DLC1: variants seen among roughly 807,000 people sequenced by gnomAD.
The protein encoded by DLC1 is DLC1 Rho GTPase activating protein, also known as rho GTPase-activating protein 7.
DLC1 carries 54 observed loss-of-function variants against 140.3 expected under a neutral mutation model. The ratio of observed to expected loss-of-function variants is 0.38; its 90% CI spans 0.31 to 0.48. DLC1 has a LOEUF of 0.48. DLC1 is among the 20% of genes least tolerant of loss of function. The pLI, the probability that DLC1 is intolerant of heterozygous loss-of-function variation, is 0.96. For synonymous variants in DLC1, 986 were observed against 728.1 expected, an observed-to-expected ratio of 1.35 and a Z score of -5.70; for missense variants, 2,536 against 1,907.0, an observed-to-expected ratio of 1.33 and a Z score of -6.14.
Position 13,587,544 on chromosome 8 carries a change from T to TACAC in DLC1, c.-126+16989_-126+16992dup, listed in dbSNP as rs377724474. Among the ~76,000 whole-genome samples the TACAC allele has an allele frequency of 3.7e-3, 532 of 142,204 alleles. 3 individuals are homozygous for TACAC. The highest frequency in any genetic ancestry group is 8.5e-3 in the South Asian group (38 of 4,482). 93.3% of individuals were successfully genotyped at this position (142,204 alleles called of 152,430 possible). ...GCTTTGAACAGCACAAATGTGACTA[T>TACAC]ACACACACACACACACACACACACA... On this transcript the variant is annotated intron_variant, in intron 1 of 1. Transcript: ENST00000631382.
At chr8:13,539,115 C>T (rs1424771785) in intron 1 of DLC1, among the ~76,000 whole-genome samples, 1 of 152,008 alleles carries the variant, frequency 6.6e-6, no homozygotes, top group African/African-American at 2.4e-5. Flanking sequence ...GTCATAATCA[C>T]TTTTTATCTT....
intron 5 of DLC1, among the ~76,000 whole-genome samples, chr8:13,231,779 ATTGT>A (rs1829056316): frequency 6.6e-6 from 1 of 152,216 alleles, no homozygotes; most frequent in Non-Finnish European, 1.5e-5. Flanking sequence ...TTATCCTCTA[ATTGT>A]TTGTGAATTC....
Position 13,085,066 on chromosome 8 carries a change from G to C in DLC1, c.*745C>G, listed in dbSNP as rs1293725246. 1 of 152,184 alleles carries C rather than the reference G, an allele frequency of 6.6e-6. No homozygotes were observed. The highest frequency in any genetic ancestry group is 1.5e-5 in the Non-Finnish European group (1 of 68,032). The allele number at this position is 152,184 out of a possible 1,614,324, so 9.4% of individuals were successfully genotyped here. On this transcript the variant is annotated 3_prime_UTR_variant, in exon 18 of 18. Transcript: ENST00000276297. ...AAACTACATCACTATTTGCAATCGG[G>C]TCTAAAAATAAACTGCATTTGGAAT...
chr8:13,184,015 G>C (rs150137253), intron 5 of DLC1, among the ~76,000 whole-genome samples: 1,604 of 152,310 alleles, frequency 0.011, 36 homozygotes, highest in African/African-American at 0.036. Context: ...TCTATTGAGA[G>C]ATTCAACTTC....
At chr8:13,306,882 G>A (rs1445968933) in intron 4 of DLC1, among the ~76,000 whole-genome samples, 6 of 151,434 alleles carry the variant, frequency 4.0e-5, no homozygotes, top group Non-Finnish European at 1.5e-5. Context: ...TCAGGAGATC[G>A]AGACCAGCCT....
chr8:13,204,518 A>G (rs1827560029), intron 5 of DLC1, among the ~76,000 whole-genome samples: 1 of 152,226 alleles, frequency 6.6e-6, no homozygotes, highest in Non-Finnish European at 1.5e-5. Context: ...TAATAATTAC[A>G]GATGGAGACA....
intron 1 of DLC1, among the ~76,000 whole-genome samples, chr8:13,547,850 A>T (rs1369824583): frequency 1.3e-5 from 2 of 151,860 alleles, no homozygotes; most frequent in Non-Finnish European, 2.9e-5. Context: ...TTTCTAAAAC[A>T]CACTTATCTT....
chr8:13,389,096 C>G (rs949128206), intron 4 of DLC1, among the ~76,000 whole-genome samples: 1 of 152,026 alleles, frequency 6.6e-6, no homozygotes, highest in Admixed American at 6.6e-5. Context: ...GAATGCTAGA[C>G]TCTCCTTGTT....
At chr8:13,113,633 A>T (rs1820299384) in intron 6 of DLC1, among the ~76,000 whole-genome samples, 2 of 152,246 alleles carry the variant, frequency 1.3e-5, no homozygotes. Flanking sequence ...CTTTGGTGTT[A>T]CTGCCAATGC....
At position 13,099,456 on chromosome 8, in the gene DLC1, G is replaced by A. The variant is rs1399490763; in HGVS notation, c.2881C>T (p.Pro961Ser). ...HLDVDNDRTT[P>S]SDLDSTGNSL... is the part of the protein sequence containing the mutation. Reference sequence around the variant, plus strand: ...TTGCCTGTGCTGTCCAGGTCGCTGGGTGTGGTTCGGTCGTTGTCCACATCC... The same window carrying A: ...TTGCCTGTGCTGTCCAGGTCGCTGGATGTGGTTCGGTCGTTGTCCACATCC... Residue 961 changes from proline (P) to serine (S), a missense_variant, in exon 9 of 18, where the codon CCC becomes TCC. Coordinates refer to ENST00000276297, the MANE Select transcript of DLC1 (RefSeq NM_182643.3). 1 of 1,614,042 alleles carries A rather than the reference G, an allele frequency of 6.2e-7. No homozygotes were observed. The highest frequency in any genetic ancestry group is 1.7e-5 in the Admixed American group (1 of 59,994).
rs1491502803 is a variant in DLC1, at chr8:13,496,785, C to CTTTTTTTTTTTTTTTT, written c.1023+2263_1023+2264insAAAAAAAAAAAAAAAA. Among the ~76,000 whole-genome samples the CTTTTTTTTTTTTTTTT allele has an allele frequency of 7.1e-3, 61 of 8,638 alleles. 24 individuals carry two copies. Among genetic ancestry groups the CTTTTTTTTTTTTTTTT allele is most frequent in the Admixed American group, 0.015 (22 of 1,428 alleles). The allele number at this position is 8,638 out of a possible 152,430, so 5.7% of individuals were successfully genotyped here. A position where few individuals can be genotyped will look rare whatever the true frequency, so the allele number is the denominator to read the frequency against. ...TAATTAACAAATTCTTAGACCATTT[C>CTTTTTTTTTTTTTTTT]CTTTTTTTTTTTTTTTTTTTTTTTT... On this transcript the variant is annotated intron_variant, in intron 2 of 17. Transcript: ENST00000276297.
At chr8:13,500,225 T>A in intron 1 of DLC1, 29 bp from the exon 2 acceptor site, 2 of 627,216 alleles carry the variant, frequency 3.2e-6, no homozygotes, top group East Asian at 5.5e-5. Flanking sequence ...AAATATGTAG[T>A]CGCAGATACG....
chr8:13,203,407 T>G (rs763941510), intron 5 of DLC1, among the ~76,000 whole-genome samples: 2 of 152,162 alleles, frequency 1.3e-5, no homozygotes, highest in Non-Finnish European at 2.9e-5. Context: ...TAACAGGAAG[T>G]GTCTAGATTT....
chr8:13,314,465 G>T (rs554205675), intron 4 of DLC1, among the ~76,000 whole-genome samples: 1 of 151,924 alleles, frequency 6.6e-6, no homozygotes, highest in East Asian at 1.9e-4. Flanking sequence ...CAATCTATTT[G>T]TTTTGTGTAT....
intron 1 of DLC1, among the ~76,000 whole-genome samples, chr8:13,546,361 A>T (rs1289419179): frequency 6.6e-6 from 1 of 152,128 alleles, no homozygotes; most frequent in Non-Finnish European, 1.5e-5. Context: ...CGCAATCTTG[A>T]AAAACTATTT....
intron 1 of DLC1, among the ~76,000 whole-genome samples, chr8:13,588,527 T>A (rs1170427748): frequency 2.0e-5 from 3 of 152,074 alleles, no homozygotes; most frequent in Non-Finnish European, 4.4e-5. Flanking sequence ...ACTGCAAGAA[T>A]TATAGCCTGG....
At chr8:13,443,569 G>A (rs1203996954) in intron 2 of DLC1, among the ~76,000 whole-genome samples, 18 of 143,566 alleles carry the variant, frequency 1.3e-4, no homozygotes, top group African/African-American at 4.6e-4. Context: ...TGAGGCAGGA[G>A]AATGGCATGA....
At chr8:13,396,936 A>C (rs1837068634) in intron 3 of DLC1, among the ~76,000 whole-genome samples, 1 of 150,380 alleles carries the variant, frequency 6.6e-6, no homozygotes, top group African/African-American at 2.4e-5. Flanking sequence ...TTTCCCTGTT[A>C]CCCGCCCCCC....
intron 2 of DLC1, among the ~76,000 whole-genome samples, chr8:13,452,485 T>A (rs1380009460): frequency 1.3e-5 from 2 of 152,152 alleles, no homozygotes; most frequent in African/African-American, 4.8e-5. Context: ...TTGCTATAAC[T>A]AAGAAGGTAT....
Sources: gnomAD v4.1 joint callset for allele counts (sites outside exome capture counted in the v4.1 genomes callset) on GRCh38, gnomAD v4.1.1 for gene constraint, MANE v1.5 for transcripts, NCBI Gene and HGNC (gene_info 2026-07-23, HGNC 2026-07-21) for gene names.